NAALADL2: variants seen among roughly 807,000 people sequenced by gnomAD.
The protein encoded by NAALADL2 is inactive N-acetylated-alpha-linked acidic dipeptidase-like protein 2.
In NAALADL2, 76 loss-of-function variants were observed where a neutral mutation model predicts 87.2. The ratio of observed to expected loss-of-function variants is 0.87; its 90% CI spans 0.72 to 1.05. The LOEUF is 1.05. Ranked by LOEUF, NAALADL2 falls within the 50% of genes least tolerant of loss-of-function variation. NAALADL2 has a pLI of 0.00. For synonymous variants in NAALADL2, 354 were observed against 331.0 expected (o/e 1.07, Z -0.75); for missense variants, 1,089 against 945.8 (o/e 1.15, Z -1.99).
chr3:175,225,348 T>G (rs1341462296), intron 2 of NAALADL2, among the ~76,000 whole-genome samples: 3 of 152,122 alleles, frequency 2.0e-5, no homozygotes, highest in Non-Finnish European at 2.9e-5. Flanking sequence ...TAAAGGTATA[T>G]TTACTTAGTA....
At chr3:175,448,712 T>C (rs1480288081) in intron 6 of NAALADL2, among the ~76,000 whole-genome samples, 1 of 152,206 alleles carries the variant, frequency 6.6e-6, no homozygotes. Context: ...TTATATGTTA[T>C]GTTATATATT....
At position 175,725,427 on chromosome 3, in the gene NAALADL2, T is replaced by C. The variant is rs1583024007; in HGVS notation, c.1897-11879T>C. The stretch of plus-strand genomic sequence containing the variant: ...ACTTCATAAATCTCTACTTCCCTTT[T>C]TAGGCTCAGGAAAGCAGGATCTACA... On this transcript the variant is annotated intron_variant, in intron 11 of 13. Transcript: ENST00000454872. Among the ~76,000 whole-genome samples the C allele has an allele frequency of 2.0e-5, 3 of 152,300 alleles. No homozygotes were observed. The South Asian group carries it at 6.2e-4, about 32-fold the overall frequency.
chr3:175,444,213 T>C (rs1433721229), intron 5 of NAALADL2, among the ~76,000 whole-genome samples: 2 of 152,148 alleles, frequency 1.3e-5, no homozygotes, highest in Admixed American at 1.3e-4. Context: ...TCCGCAATCA[T>C]GAAAACTTCG....
rs557830711 is a variant in NAALADL2 at position 174,478,318 on chromosome 3, C to T, written c.-184+37286C>T. On this transcript the variant is annotated intron_variant, in intron 1 of 3. Coordinates refer to the NAALADL2 transcript ENST00000434257. ...CAAGACTTTCACCTAGTGACAGCCT[C>T]TAACAATGTTTCTGAGAGTTTAAGA... Among the ~76,000 whole-genome samples, 214 of 152,198 alleles carry T rather than the reference C, an allele frequency of 1.4e-3. 2 individuals carry two copies. The highest frequency in any genetic ancestry group is 4.9e-3 in the African/African-American group (203 of 41,558).
At chr3:174,555,219 A>G (rs543566293) in intron 2 of NAALADL2, among the ~76,000 whole-genome samples, 20 of 152,350 alleles carry the variant, frequency 1.3e-4, no homozygotes, top group African/African-American at 4.8e-4. Flanking sequence ...ACACAGAGCA[A>G]AAAGAGAAAA....
intron 3 of NAALADL2, among the ~76,000 whole-genome samples, chr3:174,807,737 A>T (rs1579014350): frequency 6.6e-6 from 1 of 152,078 alleles, no homozygotes; most frequent in South Asian, 2.1e-4. Context: ...TGTAGTTGGA[A>T]TATAGGTAAT....
rs144184786 is a variant in NAALADL2 at position 174,953,848 on chromosome 3, T to C, written c.43+94398T>C. 3.0e-3 allele frequency among the ~76,000 whole-genome samples: 452 copies of C among 152,194 alleles called. 5 individuals are homozygous for C. The highest frequency in any genetic ancestry group is 0.01 in the African/African-American group (431 of 41,516). On this transcript the variant is annotated intron_variant, in intron 1 of 13. Transcript: ENST00000454872. ...AATTAATCACTTTTTAATTGTTTTT[T>C]TTTCTCATCTAAAACCAAACACATA... is the stretch of plus-strand genomic sequence containing the variant.
intron 5 of NAALADL2, among the ~76,000 whole-genome samples, chr3:175,430,719 C>T (rs969410719): frequency 6.6e-6 from 1 of 152,050 alleles, no homozygotes; most frequent in African/African-American, 2.4e-5. Flanking sequence ...GCACAGAAGT[C>T]TATCTATAAA....
At chr3:175,783,310 T>C (rs955042658) in intron 13 of NAALADL2, among the ~76,000 whole-genome samples, 1 of 152,056 alleles carries the variant, frequency 6.6e-6, no homozygotes, top group Non-Finnish European at 1.5e-5. Context: ...ATGGCCATTT[T>C]CACGATACTG....
At chr3:174,874,050 T>C (rs1246435802) in intron 1 of NAALADL2, among the ~76,000 whole-genome samples, 2 of 152,074 alleles carry the variant, frequency 1.3e-5, no homozygotes, top group African/African-American at 2.4e-5. Flanking sequence ...CTGTTTTTCC[T>C]GGGCTGGCAT....
At chr3:175,250,617 G>A (rs1021327853) in intron 3 of NAALADL2, among the ~76,000 whole-genome samples, 2 of 152,104 alleles carry the variant, frequency 1.3e-5, no homozygotes, top group African/African-American at 4.8e-5. Flanking sequence ...AATGCCCATT[G>A]TTCCTTCCAA....
At chr3:175,015,974 A>G (rs1282022429) in intron 1 of NAALADL2, among the ~76,000 whole-genome samples, 22 of 151,638 alleles carry the variant, frequency 1.5e-4, no homozygotes, top group Non-Finnish European at 4.4e-5. Context: ...TTATTTTTCT[A>G]CTGTTTTGGG....
chr3:175,726,781 G>A (rs892680422), intron 11 of NAALADL2, among the ~76,000 whole-genome samples: 1 of 152,150 alleles, frequency 6.6e-6, no homozygotes, highest in African/African-American at 2.4e-5. Context: ...ACTGGAGATG[G>A]TGTGATCAGA....
chr3:175,149,737 C>T (rs1237738712), intron 2 of NAALADL2, among the ~76,000 whole-genome samples: 1 of 152,078 alleles, frequency 6.6e-6, no homozygotes, highest in African/African-American at 2.4e-5. Context: ...TCAGTAGCAC[C>T]AAAGTGGTGG....
chr3:175,401,406 A>G (rs564111977), intron 5 of NAALADL2, among the ~76,000 whole-genome samples: 1 of 152,164 alleles, frequency 6.6e-6, no homozygotes, highest in Non-Finnish European at 1.5e-5. Context: ...CAAAGGATTT[A>G]TATTTTGAAT....
chr3:175,302,962 A>G (rs1193110783), intron 4 of NAALADL2, among the ~76,000 whole-genome samples: 1 of 152,060 alleles, frequency 6.6e-6, no homozygotes, highest in Non-Finnish European at 1.5e-5. Context: ...TGTTTCAAAG[A>G]TTACTTGAAA....
chr3:175,154,492 T>C (rs1267970168), intron 2 of NAALADL2, among the ~76,000 whole-genome samples: 1 of 152,112 alleles, frequency 6.6e-6, no homozygotes, highest in Non-Finnish European at 1.5e-5. Context: ...AGAAGTAAAA[T>C]ATTACCTTTT....
chr3:175,056,915 T>C (rs1483683339), intron 1 of NAALADL2, among the ~76,000 whole-genome samples: 2 of 152,202 alleles, frequency 1.3e-5, no homozygotes, highest in Non-Finnish European at 2.9e-5. Flanking sequence ...CCTTCCAATG[T>C]GGGCATCATG....
At chr3:175,341,524 A>G (rs1268095027) in intron 5 of NAALADL2, among the ~76,000 whole-genome samples, 1 of 152,132 alleles carries the variant, frequency 6.6e-6, no homozygotes, top group Non-Finnish European at 1.5e-5. Flanking sequence ...CATGTACCTA[A>G]GAGTAGAATT....
Sources: gnomAD v4.1 joint callset for allele counts (sites outside exome capture counted in the v4.1 genomes callset) on GRCh38, gnomAD v4.1.1 for gene constraint, MANE v1.5 for transcripts, NCBI Gene and HGNC (gene_info 2026-07-23, HGNC 2026-07-21) for gene names.